PTPRM: variants seen among roughly 807,000 people sequenced by gnomAD.
PTPRM encodes receptor-type tyrosine-protein phosphatase mu.
A neutral mutation model predicts 186.7 loss-of-function variants in PTPRM; 47 were observed. The ratio of observed to expected loss-of-function variants is 0.25; its 90% CI spans 0.20 to 0.32. PTPRM has a LOEUF of 0.32. Among genes scored for constraint, PTPRM ranks in the 10% least tolerant of loss-of-function variants. The probability of loss-of-function intolerance (pLI) is 1.00; values close to 1 mark genes in which losing one functional copy is unlikely to be tolerated. For missense variants in PTPRM, 1,494 were observed against 1,865.0 expected (o/e 0.80, Z 3.66); for synonymous variants, 668 against 674.9 (o/e 0.99, Z 0.16).
intron 11 of PTPRM, among the ~76,000 whole-genome samples, chr18:8,099,290 A>G (rs1216565259): frequency 6.6e-6 from 1 of 152,014 alleles, no homozygotes; most frequent in African/African-American, 2.4e-5. Flanking sequence ...TCAGCCCTAG[A>G]TTCATTCACT....
chr18:7,653,278 C>T (rs1456922169), intron 1 of PTPRM, among the ~76,000 whole-genome samples: 2 of 152,004 alleles, frequency 1.3e-5, no homozygotes, highest in Non-Finnish European at 2.9e-5. Flanking sequence ...TCCCAAGTAG[C>T]TGGGACCACA....
intron 19 of PTPRM, among the ~76,000 whole-genome samples, chr18:8,281,150 G>A (rs2094899189): frequency 6.6e-6 from 1 of 152,204 alleles, no homozygotes; most frequent in Admixed American, 6.5e-5. Context: ...AACGCAGCGG[G>A]CGTAGAAGCC....
At chr18:8,017,061 G>A (rs936430224) in intron 7 of PTPRM, among the ~76,000 whole-genome samples, 3 of 152,032 alleles carry the variant, frequency 2.0e-5, no homozygotes, top group African/African-American at 4.8e-5. Context: ...AATTACATAC[G>A]AGTGGGGTAG....
At position 7,960,480 on chromosome 18, in the gene PTPRM, T is replaced by TATATACACAC. The variant is rs1300573371; in HGVS notation, c.1132+5067_1132+5068insTATACACACA. Among the ~76,000 whole-genome samples the TATATACACAC allele has an allele frequency of 3.9e-3, 338 of 86,516 alleles. 1 individual carries two copies. Among genetic ancestry groups the TATATACACAC allele is most frequent in the African/African-American group, 0.014 (313 of 22,842 alleles). The allele number at this position is 86,516 out of a possible 152,430, so 56.8% of individuals were successfully genotyped here. ...ATATATATATATATATATATATATA[T>TATATACACAC]ACACACACACACACACACACACACA... is the stretch of plus-strand genomic sequence containing the variant. On this transcript the variant is annotated intron_variant, in intron 7 of 32. Coordinates refer to ENST00000580170, the MANE Select transcript of PTPRM (RefSeq NM_001105244.2).
In PTPRM at chr18:7,952,969, G is replaced by A. The variant is rs139840893; in HGVS notation, c.839-2152G>A. Among the ~76,000 whole-genome samples the A allele has an allele frequency of 6.9e-3, 1,051 of 152,318 alleles. 12 individuals are homozygous for A. The highest frequency in any genetic ancestry group is 0.024 in the African/African-American group (990 of 41,578). The stretch of plus-strand genomic sequence containing the variant: ...TGCAGTGAGCCACGATGGTGCCACT[G>A]CACTGCAGCCTCGGTGACAGAGCAA... On this transcript the variant is annotated intron_variant, in intron 6 of 32. Transcript: ENST00000580170.
At chr18:8,353,378 G>C (rs1468959461) in intron 23 of PTPRM, among the ~76,000 whole-genome samples, 5 of 152,176 alleles carry the variant, frequency 3.3e-5, no homozygotes, top group Non-Finnish European at 7.3e-5. Flanking sequence ...CAATCTTGGT[G>C]ACCATTAAGA....
intron 14 of PTPRM, among the ~76,000 whole-genome samples, chr18:8,180,285 G>A (rs1332931172): frequency 1.3e-5 from 2 of 152,208 alleles, no homozygotes; most frequent in Non-Finnish European, 2.9e-5. Flanking sequence ...ACCAAAGTTT[G>A]TTAGAAGTAG....
intron 2 of PTPRM, among the ~76,000 whole-genome samples, chr18:7,877,100 T>C (rs2048283698): frequency 6.6e-6 from 1 of 152,196 alleles, no homozygotes; most frequent in Non-Finnish European, 1.5e-5. Context: ...ATTTAATGAT[T>C]TGAAAGTTTT....
intron 7 of PTPRM, among the ~76,000 whole-genome samples, chr18:7,973,146 T>C (rs556466502): frequency 6.6e-6 from 1 of 152,286 alleles, no homozygotes; most frequent in East Asian, 1.9e-4. Context: ...CCTCTCTTGA[T>C]GGATAGTCAG....
At chr18:8,106,068 C>G (rs181274075) in intron 11 of PTPRM, among the ~76,000 whole-genome samples, 1 of 152,088 alleles carries the variant, frequency 6.6e-6, no homozygotes, top group Non-Finnish European at 1.5e-5. Context: ...GCCTTGTGGG[C>G]GCCTAGAGGA....
At chr18:7,793,708 G>C (rs1194298985) in intron 2 of PTPRM, among the ~76,000 whole-genome samples, 1 of 152,150 alleles carries the variant, frequency 6.6e-6, no homozygotes, top group Non-Finnish European at 1.5e-5. Flanking sequence ...ACTGGAGAGA[G>C]CTTCATGCCC....
At chr18:8,267,234 G>T (rs1171116559) in intron 19 of PTPRM, among the ~76,000 whole-genome samples, 3 of 152,076 alleles carry the variant, frequency 2.0e-5, no homozygotes, top group Non-Finnish European at 2.9e-5. Flanking sequence ...AACATGAAGA[G>T]AATATACTAT....
At chr18:7,713,107 G>A (rs942999468) in intron 1 of PTPRM, among the ~76,000 whole-genome samples, 2 of 152,128 alleles carry the variant, frequency 1.3e-5, no homozygotes, top group African/African-American at 4.8e-5. Flanking sequence ...AAAATGTTAA[G>A]GGAAGCCAGA....
chr18:8,245,430 C>T lies in PTPRM; in HGVS notation c.2452+1221C>T, dbSNP rs567874112. ...TTTCATCCTTGATCTTCTTTCTTTA[C>T]CCTTTCCTGTCATTTTCAGTGCAGG... On this transcript the variant is annotated intron_variant, in intron 15 of 32. Transcript: ENST00000580170. Among the ~76,000 whole-genome samples, 11 of 152,236 alleles carry T rather than the reference C, an allele frequency of 7.2e-5. No individual in the cohort carries two copies. In the South Asian group the frequency reaches 1.9e-3, roughly 26 times the overall value.
At chr18:8,215,979 C>G (rs2094079700) in intron 14 of PTPRM, among the ~76,000 whole-genome samples, 1 of 152,218 alleles carries the variant, frequency 6.6e-6, no homozygotes, top group African/African-American at 2.4e-5. Flanking sequence ...GTTTCCCTAG[C>G]CTAAGCTCTA....
intron 13 of PTPRM, among the ~76,000 whole-genome samples, chr18:8,140,730 A>C (rs1299900943): frequency 9.2e-5 from 14 of 152,136 alleles, no homozygotes. Context: ...ATGCAAGTTT[A>C]TTCTCTTCAA....
At chr18:8,336,484 C>G (rs1468379424) in intron 22 of PTPRM, among the ~76,000 whole-genome samples, 1 of 151,100 alleles carries the variant, frequency 6.6e-6, no homozygotes, top group Non-Finnish European at 1.5e-5. Context: ...TCAAGGAGGT[C>G]AAGGCTACAG....
intron 31 of PTPRM, among the ~76,000 whole-genome samples, chr18:8,392,995 A>G (rs1023219173): frequency 1.3e-5 from 2 of 152,236 alleles, no homozygotes; most frequent in African/African-American, 4.8e-5. Flanking sequence ...CCATTAGGCA[A>G]ACACCACAGT....
At chr18:7,755,572 T>C (rs2144679070) in intron 1 of PTPRM, among the ~76,000 whole-genome samples, 1 of 152,340 alleles carries the variant, frequency 6.6e-6, no homozygotes, top group Non-Finnish European at 1.5e-5. Context: ...ATAAGAATTT[T>C]ATTTTGTGCT....
Sources: gnomAD v4.1 joint callset for allele counts (sites outside exome capture counted in the v4.1 genomes callset) on GRCh38, gnomAD v4.1.1 for gene constraint, MANE v1.5 for transcripts, NCBI Gene and HGNC (gene_info 2026-07-23, HGNC 2026-07-21) for gene names.